DPYD: variants seen among roughly 807,000 people sequenced by gnomAD.
DPYD encodes the protein dihydropyrimidine dehydrogenase, also known as dihydropyrimidine dehydrogenase [NADP(+)].
Under a neutral mutation model 116.2 loss-of-function variants are expected in DPYD, and 109 were observed. The ratio of observed to expected loss-of-function variants is 0.94; its 90% CI spans 0.80 to 1.10. The LOEUF is 1.10. DPYD is among the 50% of genes least tolerant of loss of function. The probability of loss-of-function intolerance (pLI) is 0.00; values close to 1 mark genes in which losing one functional copy is unlikely to be tolerated. For missense variants in DPYD, 1,302 were observed against 1,254.5 expected (o/e 1.04, Z -0.57); for synonymous variants, 440 against 432.0 (o/e 1.02, Z -0.23).
At chr1:97,440,029 A>C (rs1382081144) in intron 14 of DPYD, among the ~76,000 whole-genome samples, 1 of 151,840 alleles carries the variant, frequency 6.6e-6, no homozygotes, top group Non-Finnish European at 1.5e-5. Flanking sequence ...TAATCCCAGC[A>C]CTTTGGGAGG....
chr1:97,384,808 A>T (rs2101576457), intron 14 of DPYD, among the ~76,000 whole-genome samples: 1 of 152,258 alleles, frequency 6.6e-6, no homozygotes, highest in Non-Finnish European at 1.5e-5. Flanking sequence ...AGTCACAAAA[A>T]GGTTGAACAA....
chr1:97,082,503 C>T (rs1649229929), intron 21 of DPYD, 33 bp from the exon 22 acceptor site: 1 of 1,609,662 alleles, frequency 6.2e-7, no homozygotes, highest in Non-Finnish European at 8.5e-7. Context: ...TTAGCAAGCT[C>T]ATTTTAAAAC....
At chr1:97,916,592 A>C (rs536606692) in intron 1 of DPYD, among the ~76,000 whole-genome samples, 2 of 152,332 alleles carry the variant, frequency 1.3e-5, no homozygotes, top group South Asian at 4.1e-4. Context: ...CAATTAAGCA[A>C]TCAGTCAACA....
chr1:97,600,137 C>T (rs576244804), intron 8 of DPYD, among the ~76,000 whole-genome samples: 2 of 152,198 alleles, frequency 1.3e-5, no homozygotes, highest in African/African-American at 4.8e-5. Flanking sequence ...CACACAGGTG[C>T]TTTTTCAATA....
At chr1:97,537,548 A>T (rs1650103897) in intron 12 of DPYD, among the ~76,000 whole-genome samples, 1 of 152,184 alleles carries the variant, frequency 6.6e-6, no homozygotes, top group Non-Finnish European at 1.5e-5. Context: ...AATGTAAAAA[A>T]TTTCATTTAT....
At chr1:97,129,959 T>C (rs1378758746) in intron 20 of DPYD, among the ~76,000 whole-genome samples, 1 of 152,192 alleles carries the variant, frequency 6.6e-6, no homozygotes, top group Non-Finnish European at 1.5e-5. Flanking sequence ...GTCCATACCC[T>C]GACATTTCTA....
chr1:97,738,901 C>T (rs897296835), intron 4 of DPYD, among the ~76,000 whole-genome samples: 1 of 151,944 alleles, frequency 6.6e-6, no homozygotes, highest in African/African-American at 2.4e-5. Context: ...ACCTAAGAAT[C>T]CTTTTTGTCT....
intron 10 of DPYD, among the ~76,000 whole-genome samples, chr1:97,588,709 G>A (rs1654308246): frequency 6.6e-6 from 1 of 152,270 alleles, no homozygotes; most frequent in South Asian, 2.1e-4. Flanking sequence ...GTTTCCCTAA[G>A]GACCCATGGC....
chr1:97,412,679 A>T (rs1228715333), intron 14 of DPYD, among the ~76,000 whole-genome samples: 1 of 152,212 alleles, frequency 6.6e-6, no homozygotes, highest in Non-Finnish European at 1.5e-5. Flanking sequence ...GGGTCATTAA[A>T]TGCATCCTGT....
rs1014073443 is a variant in DPYD, at chr1:97,396,815, T to C, written c.1906-14354A>G. Among the ~76,000 whole-genome samples the C allele has an allele frequency of 3.9e-5, 6 of 152,144 alleles. No individual in the cohort carries two copies. The Middle Eastern group carries it at 0.017, about 431-fold the overall frequency. ...CATCCTAGACGTCTGACTGTACAGC[T>C]CCTACCTACTTCTCAAGGTCTAACT... On this transcript the variant is annotated intron_variant, in intron 14 of 22. Coordinates refer to ENST00000370192, the MANE Select transcript of DPYD (RefSeq NM_000110.4).
chr1:97,207,837 T>C (rs953270198), intron 19 of DPYD, among the ~76,000 whole-genome samples: 2 of 152,166 alleles, frequency 1.3e-5, no homozygotes, highest in Non-Finnish European at 2.9e-5. Flanking sequence ...TCCAGCATTC[T>C]TGGGTCAGGA....
chr1:97,715,763 C>A (rs1186481045), intron 5 of DPYD, among the ~76,000 whole-genome samples: 1 of 152,076 alleles, frequency 6.6e-6, no homozygotes, highest in Non-Finnish European at 1.5e-5. Flanking sequence ...TTTTTGATGA[C>A]TGTTTTTAAT....
At chr1:97,383,369 C>T (rs112061178) in intron 14 of DPYD, among the ~76,000 whole-genome samples, 6 of 150,454 alleles carry the variant, frequency 4.0e-5, no homozygotes, top group Admixed American at 1.3e-4. Flanking sequence ...TCCAGCTACT[C>T]GGGAGGCAGA....
chr1:97,129,608 G>A (rs572331158), intron 20 of DPYD, among the ~76,000 whole-genome samples: 7 of 151,874 alleles, frequency 4.6e-5, no homozygotes, highest in Non-Finnish European at 8.8e-5. Flanking sequence ...TGGCTCTTCC[G>A]CAGGTTTCAG....
chr1:97,692,203 C>CAT lies in DPYD; in HGVS notation c.681-407_681-406dup, dbSNP rs939100768. ...ATATAGATTTTAATATATGTATACA[C>CAT]ATATATATATACACTAACATTCATA... On this transcript the variant is annotated intron_variant, in intron 6 of 22. Transcript: ENST00000370192. 1.1e-4 allele frequency among the ~76,000 whole-genome samples: 16 copies of CAT among 151,626 alleles called. No individual in the cohort carries two copies. In the South Asian group the frequency reaches 1.2e-3, roughly 12 times the overall value.
At chr1:97,578,259 A>T (rs1653405087) in intron 10 of DPYD, among the ~76,000 whole-genome samples, 1 of 152,162 alleles carries the variant, frequency 6.6e-6, no homozygotes, top group Non-Finnish European at 1.5e-5. Flanking sequence ...CACAGAAAAT[A>T]CATATAATGC....
intron 18 of DPYD, among the ~76,000 whole-genome samples, chr1:97,291,635 A>G (rs1340353763): frequency 1.3e-5 from 2 of 152,008 alleles, no homozygotes; most frequent in Non-Finnish European, 2.9e-5. Context: ...GGAATTGAAC[A>G]ATGAGAACAC....
At chr1:97,893,836 C>T (rs1391939062) in intron 1 of DPYD, among the ~76,000 whole-genome samples, 1 of 151,602 alleles carries the variant, frequency 6.6e-6, no homozygotes, top group African/African-American at 2.4e-5. Context: ...TTCTAAAATA[C>T]ACACCACACA....
intron 8 of DPYD, among the ~76,000 whole-genome samples, chr1:97,654,238 G>A (rs1230710656): frequency 6.6e-6 from 1 of 152,112 alleles, no homozygotes; most frequent in African/African-American, 2.4e-5. Context: ...TACAATGATT[G>A]AGCACTGAAA....
Sources: allele counts gnomAD v4.1 joint callset (sites outside exome capture counted in the v4.1 genomes callset), GRCh38; gene constraint gnomAD v4.1.1; transcripts MANE v1.5; gene names NCBI Gene and HGNC (gene_info 2026-07-23, HGNC 2026-07-21).